The following HIPK3 variants were observed in gnomAD, a reference collection of about 807,000 sequenced individuals.
HIPK3 encodes homeodomain-interacting protein kinase 3.
Under a neutral mutation model 124.2 loss-of-function variants are expected in HIPK3, and 47 were observed. The ratio of observed to expected loss-of-function variants is 0.38; its 90% confidence interval spans 0.30 to 0.48. The LOEUF (loss-of-function observed/expected upper bound fraction) is 0.48, where lower values mean the gene tolerates loss of function less well. Among genes scored for constraint, HIPK3 ranks in the 20% least tolerant of loss-of-function variants. The pLI, the probability that HIPK3 is intolerant of heterozygous loss-of-function variation, is 0.98. For synonymous variants in HIPK3, 482 were observed against 515.2 expected (o/e 0.94, Z 0.87); for missense variants, 1,286 against 1,454.3 (o/e 0.88, Z 1.88).
chr11:33,279,008 C>G (rs1851342294), intron 1 of HIPK3, among the ~76,000 whole-genome samples: 2 of 152,130 alleles, frequency 1.3e-5, no homozygotes, highest in Middle Eastern at 3.4e-3. Context: ...TTTGTGATAT[C>G]AAAGTACATT....
intron 1 of HIPK3, among the ~76,000 whole-genome samples, chr11:33,273,512 C>CAAAAAAAA (rs398015727): frequency 8.3e-5 from 4 of 48,036 alleles, no homozygotes; most frequent in African/African-American, 3.1e-4. Flanking sequence ...TCTGTCTCCA[C>CAAAAAAAA]AAAAAAAAAA....
intron 2 of HIPK3, among the ~76,000 whole-genome samples, chr11:33,290,450 G>T (rs779798732): frequency 2.0e-5 from 3 of 151,718 alleles, no homozygotes; most frequent in Non-Finnish European, 4.4e-5. Flanking sequence ...TATGGATTCT[G>T]TCTTGAGAGC....
Position 33,258,489 on chromosome 11 carries a change from G to C in HIPK3, c.-3+600G>C, listed in dbSNP as rs1364315535. On this transcript the variant is annotated intron_variant, in intron 1 of 16. Coordinates refer to ENST00000303296, the MANE Select transcript of HIPK3 (RefSeq NM_005734.5). ...TGCGTGCGTGTGTGTGATTGTTGGGGAGGAGAAATGTGATCCGCGGCTCCG... is the reference window on the plus strand; with the variant it reads ...TGCGTGCGTGTGTGTGATTGTTGGGCAGGAGAAATGTGATCCGCGGCTCCG... The C allele has an allele frequency of 1.1e-5, 11 of 985,438 alleles. No individual in the cohort carries two copies. The East Asian group carries it at 1.1e-3, about 102-fold the overall frequency. 61.0% of individuals were successfully genotyped at this position (985,438 alleles called of 1,614,324 possible).
intron 1 of HIPK3, chr11:33,258,308 G>T (rs1407689484): frequency 1.0e-6 from 1 of 985,284 alleles, no homozygotes; most frequent in South Asian, 4.7e-5. Flanking sequence ...GTCCTAGGCC[G>T]TAACTACGGA....
At chr11:33,268,484 G>A (rs149730953) in intron 1 of HIPK3, among the ~76,000 whole-genome samples, 69 of 150,918 alleles carry the variant, frequency 4.6e-4, no homozygotes, top group African/African-American at 1.6e-3. Flanking sequence ...CTAGCCACTC[G>A]GGAGACTGAG....
chr11:33,309,324 A>G (rs1852256102), intron 2 of HIPK3, among the ~76,000 whole-genome samples: 1 of 152,152 alleles, frequency 6.6e-6, no homozygotes, highest in Admixed American at 6.6e-5. Flanking sequence ...CATGTTGCCC[A>G]GCCTGGCCTC....
chr11:33,347,873 T>G lies in HIPK3; in HGVS notation c.2166T>G (p.Asn722Lys). ...GDWGKMISCS[N>K]HYNSVMPQPL... Reference sequence around the variant, plus strand: ...CTAGGAAGATGATTTCATGCAGCAATCATTATAACTCAGTGATGCCGCAGC... The same window carrying G: ...CTAGGAAGATGATTTCATGCAGCAAGCATTATAACTCAGTGATGCCGCAGC... The change falls in exon 11 of 17, where the codon AAT becomes AAG. Residue 722 changes from asparagine to lysine, a missense_variant. Asn to Lys is a moderately conservative substitution (Grantham distance 94). This residue lies in a region of HIPK3 where 810 missense variants were observed against 864.9 expected (regional missense o/e 0.94). Transcript: ENST00000303296. The G allele has an allele frequency of 6.2e-7, 1 of 1,614,190 alleles. No individual in the cohort carries two copies. Among genetic ancestry groups the G allele is most frequent in the Non-Finnish European group, 8.5e-7 (1 of 1,180,008 alleles).
chr11:33,349,078 T>C, intron 13 of HIPK3, 69 bp from the exon 14 acceptor site: 1 of 1,413,904 alleles, frequency 7.1e-7, no homozygotes, highest in Admixed American at 2.0e-5. Context: ...TTAAAGAATA[T>C]AAATTTTGGC....
intron 1 of HIPK3, among the ~76,000 whole-genome samples, chr11:33,284,477 GA>G (rs1170549409): frequency 6.6e-6 from 1 of 152,190 alleles, no homozygotes; most frequent in Non-Finnish European, 1.5e-5. Context: ...ATTGAAATCT[GA>G]AAGAGTTTTT....
rs1253341842 is a variant in HIPK3, at chr11:33,352,152, C to T, written c.3058C>T (p.Pro1020Ser). 6.2e-7 allele frequency: 1 copy of T among 1,613,424 alleles called. No individual in the cohort carries two copies. The highest frequency in any genetic ancestry group is 8.5e-7 in the Non-Finnish European group (1 of 1,179,476). The change falls in exon 16 of 17, where the codon CCA (proline) becomes TCA (serine). Residue 1020 changes from proline (P) to serine (S), a missense_variant. Around this residue, in one of 3 missense-constraint regions of HIPK3, gnomAD observed 810 missense variants for 864.9 expected, o/e 0.94. Transcript: ENST00000303296. ...HMANTDSICQ[P>S]LIKGRSAPGR... ...TTCGTCGCCAGATTCTATATGCCAG[C>T]CATTAATAAAAGGACGATCTGCCCC...
At chr11:33,313,659 A>G (rs551295633) in intron 2 of HIPK3, among the ~76,000 whole-genome samples, 4 of 152,002 alleles carry the variant, frequency 2.6e-5, no homozygotes, top group African/African-American at 9.6e-5. Context: ...AGTTATAAGG[A>G]AAAAAAAGTA....
chr11:33,311,568 T>C (rs1474896948), intron 2 of HIPK3, among the ~76,000 whole-genome samples: 1 of 151,942 alleles, frequency 6.6e-6, no homozygotes, highest in East Asian at 1.9e-4. Context: ...GAGTTCTGTA[T>C]ACCCCCTGCC....
At chr11:33,283,719 G>T (rs991925801) in intron 1 of HIPK3, among the ~76,000 whole-genome samples, 13 of 151,236 alleles carry the variant, frequency 8.6e-5, no homozygotes, top group African/African-American at 3.2e-4. Flanking sequence ...CTGTTGCCCA[G>T]GCTGAAGTAC....
intron 8 of HIPK3, among the ~76,000 whole-genome samples, chr11:33,344,359 G>A (rs1853432501): frequency 6.6e-6 from 1 of 152,138 alleles, no homozygotes; most frequent in Non-Finnish European, 1.5e-5. Context: ...ATCAGTTTGA[G>A]GGTCACCACT....
chr11:33,318,153 A>G (rs1852559660), intron 2 of HIPK3, among the ~76,000 whole-genome samples: 1 of 152,194 alleles, frequency 6.6e-6, no homozygotes. Flanking sequence ...AGAAAAAGAG[A>G]TTATTGAGAA....
intron 2 of HIPK3, 99 bp from the exon 3 acceptor site, chr11:33,328,411 G>A: frequency 8.6e-7 from 1 of 1,159,158 alleles, no homozygotes; most frequent in Non-Finnish European, 1.3e-6. Flanking sequence ...CATAGAATGT[G>A]ATACCTCTGT....
chr11:33,256,767 C>T (rs1239313374), upstream of HIPK3: 38 of 951,638 alleles, frequency 4.0e-5, no homozygotes, highest in Non-Finnish European at 4.7e-5. Flanking sequence ...GCGAACTTCA[C>T]AATTATGGGG....
At position 33,355,474 on chromosome 11, in the gene HIPK3, CT is replaced by C. The variant is rs1482142273; in HGVS notation, c.*1908del. The C allele has an allele frequency of 6.6e-6, 1 of 151,966 alleles. No homozygotes were observed. Among genetic ancestry groups the C allele is most frequent in the African/African-American group, 2.4e-5 (1 of 41,418 alleles). 9.4% of individuals were successfully genotyped at this position (151,966 alleles called of 1,614,324 possible). On this transcript the variant is annotated 3_prime_UTR_variant, in exon 17 of 17. Coordinates refer to ENST00000303296, the MANE Select transcript of HIPK3 (RefSeq NM_005734.5). ...TTTCCTTAAAAATCTGGAATATAAT[CT>C]TACAGCATTTACTGGAATAAACAGT...
chr11:33,338,651 GA>G (rs1177566621), intron 4 of HIPK3, 105 bp from the exon 5 acceptor site: 12 of 551,768 alleles, frequency 2.2e-5, no homozygotes, highest in Non-Finnish European at 3.3e-5. Flanking sequence ...TGTCTCTTTT[GA>G]AATTACTATT....
Sources: gnomAD v4.1 joint callset for allele counts (sites outside exome capture counted in the v4.1 genomes callset) on GRCh38, gnomAD v4.1.1 for gene constraint, gnomAD v4.1.1 regional missense constraint, MANE v1.5 for transcripts, NCBI Gene and HGNC (gene_info 2026-07-23, HGNC 2026-07-21) for gene names.